The following CWC15 variants were observed in gnomAD, a reference collection of about 807,000 sequenced individuals.
CWC15 encodes the protein spliceosome-associated protein CWC15 homolog.
In CWC15, 12 loss-of-function variants were observed where a neutral mutation model predicts 28.4. The ratio of observed to expected loss-of-function variants is 0.42; its 90% confidence interval spans 0.27 to 0.69. The LOEUF is 0.69. Ranked by LOEUF, CWC15 falls within the 30% of genes least tolerant of loss-of-function variation. The pLI, the probability that CWC15 is intolerant of heterozygous loss-of-function variation, is 0.23. For synonymous variants in CWC15, 92 were observed against 88.4 expected, an observed-to-expected ratio of 1.04 and a Z score of -0.23; for missense variants, 192 against 271.5, an observed-to-expected ratio of 0.71 and a Z score of 2.06.
intron 1 of CWC15, among the ~76,000 whole-genome samples, chr11:94,972,796 C>T (rs1299340825): frequency 6.6e-6 from 1 of 152,124 alleles, no homozygotes; most frequent in African/African-American, 2.4e-5. Flanking sequence ...TTTGTTGAGC[C>T]AATTTTCTCC....
chr11:94,971,545 CAG>C (rs1555096270), intron 2 of CWC15, 58 bp from the exon 3 acceptor site: 1 of 963,132 alleles, frequency 1.0e-6, no homozygotes, highest in Non-Finnish European at 1.6e-6. Flanking sequence ...CACACACACA[CAG>C]AGACTGTAGT....
chr11:94,973,051 G>GGT (rs1254827711), intron 1 of CWC15, among the ~76,000 whole-genome samples: 1 of 151,434 alleles, frequency 6.6e-6, no homozygotes, highest in East Asian at 1.9e-4. Flanking sequence ...ATTTTTTGGG[G>GGT]GGGGGGCGAT....
At chr11:94,966,496 A>AT in intron 5 of CWC15, 83 bp from the exon 6 acceptor site, 1 of 818,676 alleles carries the variant, frequency 1.2e-6, no homozygotes, top group Non-Finnish European at 1.9e-6. Context: ...TGAAAAAAAA[A>AT]ACAAAACTGA....
chr11:94,964,722 G>C (rs782688748), intron 6 of CWC15, among the ~76,000 whole-genome samples: 1 of 152,070 alleles, frequency 6.6e-6, no homozygotes, highest in Non-Finnish European at 1.5e-5. Context: ...CTCCTTGTTA[G>C]CCTAGACTTT....
rs1455876076 is a variant in CWC15, at chr11:94,965,359, A to G, written c.560+936T>C. ...CATTTCCTGTAAGCTTTTCTGTTTTATTTTATATATCACCATCTGAAGGAT... is the reference window on the plus strand; with the variant it reads ...CATTTCCTGTAAGCTTTTCTGTTTTGTTTTATATATCACCATCTGAAGGAT... On this transcript the variant is annotated intron_variant, in intron 6 of 6. Coordinates refer to ENST00000279839, the MANE Select transcript of CWC15 (RefSeq NM_016403.4). 3.9e-5 allele frequency among the ~76,000 whole-genome samples: 6 copies of G among 152,306 alleles called. No individual in the cohort carries two copies. In the South Asian group the frequency reaches 1.2e-3, roughly 32 times the overall value.
chr11:94,969,785 C>T (rs376766124), intron 5 of CWC15, among the ~76,000 whole-genome samples: 1 of 152,110 alleles, frequency 6.6e-6, no homozygotes, highest in African/African-American at 2.4e-5. Flanking sequence ...CTCAGTGCAT[C>T]TGAACTATTT....
At position 94,963,412 on chromosome 11, in the gene CWC15, T is replaced by C. The variant is rs939158725; in HGVS notation, c.663A>G (p.Lys221=). ...VNDTLRSEFH[K]KFMEKYIK ...ATTTAATATATTTCTCCATGAACTT[T>C]TTGTGAAATTCAGATCGCAGTGTGT... is the stretch of plus-strand genomic sequence containing the variant. Residue 221 remains lysine, a synonymous_variant, in exon 7 of 7, where the codon AAA becomes AAG. Transcript: ENST00000279839. 4 of 1,582,418 alleles carry C rather than the reference T, an allele frequency of 2.5e-6. No homozygotes were observed. The highest frequency in any genetic ancestry group is 2.7e-5 in the African/African-American group (2 of 74,656).
intron 5 of CWC15, among the ~76,000 whole-genome samples, chr11:94,968,746 T>C (rs1341128793): frequency 2.6e-5 from 4 of 152,228 alleles, no homozygotes; most frequent in African/African-American, 9.6e-5. Flanking sequence ...CTATCCCAAA[T>C]TCTACCTGTT....
At chr11:94,971,978 T>G in intron 2 of CWC15, 77 bp downstream of exon 2, 3 of 1,277,768 alleles carry the variant, frequency 2.3e-6, no homozygotes, top group South Asian at 3.0e-5. Flanking sequence ...AACTCAAACA[T>G]ACTACTATAT....
chr11:94,971,902 C>G (rs587662991), intron 2 of CWC15, among the ~76,000 whole-genome samples, 153 bp downstream of exon 2: 2 of 152,284 alleles, frequency 1.3e-5, no homozygotes, highest in East Asian at 3.9e-4. Flanking sequence ...ATTTTAAAAT[C>G]ACAGCAGAAT....
At chr11:94,968,904 A>C (rs1555095757) in intron 5 of CWC15, among the ~76,000 whole-genome samples, 1 of 152,234 alleles carries the variant, frequency 6.6e-6, no homozygotes, top group Non-Finnish European at 1.5e-5. Context: ...AAATCTATGA[A>C]AAAGCTGTGC....
intron 5 of CWC15, among the ~76,000 whole-genome samples, chr11:94,968,288 CCCCTGA>C (rs1314429618): frequency 6.6e-6 from 1 of 152,128 alleles, no homozygotes; most frequent in Non-Finnish European, 1.5e-5. Context: ...AGGGTGCTGA[CCCCTGA>C]CAAGGGCTAA....
chr11:94,971,413 G>C lies in CWC15; in HGVS notation c.206C>G (p.Ala69Gly). The C allele has an allele frequency of 6.2e-7, 1 of 1,612,884 alleles. No individual in the cohort carries two copies. Among genetic ancestry groups the C allele is most frequent in the Non-Finnish European group, 8.5e-7 (1 of 1,179,414 alleles). Residue 69 changes from alanine to glycine, a missense_variant, in exon 3 of 7, where the codon GCT (alanine) becomes GGT (glycine). Physicochemically the swap from Ala to Gly is moderately conservative, Grantham distance 60. Transcript: ENST00000279839. ...ATCCCTATTTTTCTCTCTTGCAGCAGCTCTCTCTCTTTCTTCCAACTCTCT... is the reference window on the plus strand; with the variant it reads ...ATCCCTATTTTTCTCTCTTGCAGCACCTCTCTCTCTTTCTTCCAACTCTCT... ...FRRELEERER[A>G]AAREKNRDRP...
chr11:94,963,044 T>A lies in CWC15; in HGVS notation c.*341A>T. 6.1e-6 allele frequency: 1 copy of A among 164,880 alleles called. No homozygotes were observed. The highest frequency in any genetic ancestry group is 1.3e-5 in the Non-Finnish European group (1 of 76,748). The allele number at this position is 164,880 out of a possible 1,614,324, so 10.2% of individuals were successfully genotyped here. A position where few individuals can be genotyped will look rare whatever the true frequency, so the allele number is the denominator to read the frequency against. On this transcript the variant is annotated 3_prime_UTR_variant, in exon 7 of 7. Coordinates refer to ENST00000279839, the MANE Select transcript of CWC15 (RefSeq NM_016403.4). ...ACAAGCACAATACACAATGGTAATT[T>A]TTCTTTTCAAAAGATATTATGGAAT...
chr11:94,966,226 T>TACATAC, intron 6 of CWC15, 69 bp downstream of exon 6: 1 of 669,472 alleles, frequency 1.5e-6, no homozygotes, highest in Non-Finnish European at 2.6e-6. Flanking sequence ...CATACACATA[T>TACATAC]ACACACACAC....
chr11:94,972,685 A>C (rs1407820398), intron 1 of CWC15, among the ~76,000 whole-genome samples: 2 of 152,226 alleles, frequency 1.3e-5, no homozygotes, highest in African/African-American at 4.8e-5. Flanking sequence ...CAAAAGCTAA[A>C]AACAAACAAA....
chr11:94,966,224 T>TACACACACAC (rs1447749262), intron 6 of CWC15, 71 bp downstream of exon 6: 71 of 734,182 alleles, frequency 9.7e-5, no homozygotes, highest in Middle Eastern at 9.7e-4. Flanking sequence ...CACATACACA[T>TACACACACAC]ATACACACAC....
chr11:94,973,530 G>A lies in CWC15; in HGVS notation c.-41C>T, dbSNP rs1388950429. On this transcript the variant is annotated 5_prime_UTR_variant, in exon 1 of 7. Transcript: ENST00000279839. ...GAGGTCCGATGCAGCAGGCTCCGAA[G>A]ATCATACAGACGCCATTACCACTCT... The A allele has an allele frequency of 1.3e-5, 2 of 152,444 alleles. No individual in the cohort carries two copies. Among genetic ancestry groups the A allele is most frequent in the South Asian group, 2.1e-4 (1 of 4,840 alleles). The allele number at this position is 152,444 out of a possible 1,614,324, so 9.4% of individuals were successfully genotyped here. A position where few individuals can be genotyped will look rare whatever the true frequency, so the allele number is the denominator to read the frequency against.
chr11:94,967,533 T>C lies in CWC15; in HGVS notation c.442-1120A>G, dbSNP rs1857662846. On this transcript the variant is annotated intron_variant, in intron 5 of 6. Transcript: ENST00000279839. Reference sequence around the variant, plus strand: ...AAGCCAAATATAAATCCCATTTTGCTGTGTTTTGGGGATAACAGAAATTGA... The same window carrying C: ...AAGCCAAATATAAATCCCATTTTGCCGTGTTTTGGGGATAACAGAAATTGA... Among the ~76,000 whole-genome samples the C allele has an allele frequency of 2.6e-5, 4 of 152,330 alleles. No homozygotes were observed. The South Asian group carries it at 8.3e-4, about 32-fold the overall frequency.
Sources: allele counts gnomAD v4.1 joint callset (sites outside exome capture counted in the v4.1 genomes callset), GRCh38; gene constraint gnomAD v4.1.1; transcripts MANE v1.5; gene names NCBI Gene and HGNC (gene_info 2026-07-23, HGNC 2026-07-21).